GLI3: variants seen among roughly 807,000 people sequenced by gnomAD.
GLI3 encodes GLI family zinc finger 3, also known as transcription activator GLI3.
GLI3 carries 20 observed loss-of-function variants against 100.8 expected under a neutral mutation model. That is an observed-to-expected ratio of 0.20 (90% CI 0.14 to 0.29). GLI3 has a LOEUF of 0.29. Ranked by LOEUF, GLI3 falls within the 10% of genes least tolerant of loss-of-function variation. The pLI is 1.00. For synonymous variants in GLI3, 938 were observed against 860.5 expected (o/e 1.09, Z -1.58); for missense variants, 2,040 against 2,128.5 (o/e 0.96, Z 0.82).
chr7:42,069,715 T>C (rs1019962413), intron 4 of GLI3, among the ~76,000 whole-genome samples: 15 of 152,172 alleles, frequency 9.9e-5, no homozygotes, highest in Admixed American at 9.8e-4. Flanking sequence ...TGGCAAACTT[T>C]TATCTTTCAG....
intron 3 of GLI3, among the ~76,000 whole-genome samples, chr7:42,120,594 G>GA (rs1404993503): frequency 2.0e-5 from 3 of 152,180 alleles, no homozygotes; most frequent in Non-Finnish European, 4.4e-5. Context: ...CCCTCTCCTT[G>GA]ATGTCTTGTA....
chr7:42,065,390 G>A (rs1784654059), intron 4 of GLI3, among the ~76,000 whole-genome samples: 6 of 151,848 alleles, frequency 4.0e-5, no homozygotes. Flanking sequence ...CCCTTCATAA[G>A]AATTTTGCTT....
At chr7:42,250,650 G>A (rs996880536) in intron 1 of GLI3, among the ~76,000 whole-genome samples, 4 of 152,140 alleles carry the variant, frequency 2.6e-5, no homozygotes, top group Admixed American at 1.3e-4. Context: ...ACAGCCTGGT[G>A]CATGGCTAAC....
intron 4 of GLI3, among the ~76,000 whole-genome samples, chr7:42,076,525 T>C (rs1784881486): frequency 6.6e-6 from 1 of 152,176 alleles, no homozygotes. Context: ...GCAAAATATA[T>C]AGGAAATACT....
chr7:42,142,899 A>G (rs1320623296), intron 3 of GLI3, among the ~76,000 whole-genome samples: 1 of 141,300 alleles, frequency 7.1e-6, no homozygotes, highest in Non-Finnish European at 1.5e-5. Flanking sequence ...AGATTGCGCC[A>G]CTGCACAGCC....
At chr7:42,071,655 C>T (rs1216739680) in intron 4 of GLI3, among the ~76,000 whole-genome samples, 7 of 152,150 alleles carry the variant, frequency 4.6e-5, no homozygotes, top group Non-Finnish European at 8.8e-5. Flanking sequence ...TTACTATTTC[C>T]TTCTCTAAGC....
At chr7:42,009,164 G>T (rs1398979834) in intron 10 of GLI3, among the ~76,000 whole-genome samples, 1 of 152,122 alleles carries the variant, frequency 6.6e-6, no homozygotes, top group Admixed American at 6.5e-5. Context: ...CTCTGCCTTG[G>T]CCGTAGTTTC....
intron 2 of GLI3, among the ~76,000 whole-genome samples, chr7:42,197,895 A>T (rs1162676165): frequency 4.6e-5 from 7 of 152,208 alleles, no homozygotes; most frequent in African/African-American, 1.7e-4. Flanking sequence ...AAAGGGAACC[A>T]GTCAAAGATG....
chr7:42,213,382 T>C (rs570593100), intron 2 of GLI3, among the ~76,000 whole-genome samples: 10 of 152,368 alleles, frequency 6.6e-5, no homozygotes, highest in Admixed American at 1.3e-4. Context: ...TGACCTTTTC[T>C]ACATTTATTC....
chr7:42,166,647 T>C (rs1422143167), intron 2 of GLI3, among the ~76,000 whole-genome samples: 1 of 144,632 alleles, frequency 6.9e-6, no homozygotes, highest in Admixed American at 7.0e-5. Flanking sequence ...CTGGTTCTGA[T>C]TCCTTTTTTT....
intron 2 of GLI3, among the ~76,000 whole-genome samples, chr7:42,207,255 C>T (rs1360645167): frequency 6.6e-6 from 1 of 152,208 alleles, no homozygotes. Flanking sequence ...TGGATGCCAC[C>T]CAAATGCCCA....
At chr7:42,044,957 G>A (rs895211161) in intron 6 of GLI3, among the ~76,000 whole-genome samples, 4 of 152,062 alleles carry the variant, frequency 2.6e-5, no homozygotes, top group Non-Finnish European at 1.5e-5. Context: ...GCGTGACCAA[G>A]ACTCACTGCA....
intron 3 of GLI3, among the ~76,000 whole-genome samples, chr7:42,137,427 C>T (rs1786456585): frequency 6.6e-6 from 1 of 152,174 alleles, no homozygotes; most frequent in South Asian, 2.1e-4. Flanking sequence ...TGGCCAATGA[C>T]CACATTGGCA....
chr7:42,044,472 C>T (rs1022543701), intron 6 of GLI3, among the ~76,000 whole-genome samples: 33 of 152,166 alleles, frequency 2.2e-4, no homozygotes, highest in African/African-American at 7.2e-4. Flanking sequence ...AAGTGACCCA[C>T]AAAAATCATT....
intron 1 of GLI3, among the ~76,000 whole-genome samples, chr7:42,232,605 G>A (rs780249250): frequency 3.3e-5 from 5 of 152,300 alleles, no homozygotes; most frequent in East Asian, 1.9e-4. Flanking sequence ...ACTGGCTAGC[G>A]TTCTCTTGGG....
chr7:42,009,666 T>C (rs573197465), intron 10 of GLI3, among the ~76,000 whole-genome samples: 1 of 152,318 alleles, frequency 6.6e-6, no homozygotes, highest in African/African-American at 2.4e-5. Context: ...CTGTTCCCAA[T>C]GGGAAGCCCC....
At chr7:42,121,115 C>G (rs1345056092) in intron 3 of GLI3, among the ~76,000 whole-genome samples, 4 of 152,218 alleles carry the variant, frequency 2.6e-5, no homozygotes, top group South Asian at 4.1e-4. Context: ...GACTCTCTTT[C>G]CCTCTTCGAC....
At chr7:42,162,136 G>C (rs1014093270) in intron 2 of GLI3, among the ~76,000 whole-genome samples, 3 of 152,212 alleles carry the variant, frequency 2.0e-5, no homozygotes, top group Admixed American at 1.3e-4. Context: ...AGGGTAAGCA[G>C]TAATGTAAAC....
chr7:42,250,746 G>A (rs1224633674), intron 1 of GLI3, among the ~76,000 whole-genome samples: 2 of 152,216 alleles, frequency 1.3e-5, no homozygotes, highest in Non-Finnish European at 2.9e-5. Context: ...GGGTGGATTT[G>A]TATGGAGGAA....
Sources: gnomAD v4.1 joint callset for allele counts (sites outside exome capture counted in the v4.1 genomes callset) on GRCh38, gnomAD v4.1.1 for gene constraint, MANE v1.5 for transcripts, NCBI Gene and HGNC (gene_info 2026-07-23, HGNC 2026-07-21) for gene names.